The following MRPL39 variants were observed in gnomAD, a reference collection of about 807,000 sequenced individuals.
MRPL39 encodes large ribosomal subunit protein mL39.
MRPL39 carries 35 observed loss-of-function variants against 44.5 expected under a neutral mutation model. That is an observed-to-expected ratio of 0.79 (90% CI 0.60 to 1.04). The LOEUF (loss-of-function observed/expected upper bound fraction) is 1.04. Ranked by LOEUF, MRPL39 falls within the 50% of genes least tolerant of loss-of-function variation. The probability of loss-of-function intolerance (pLI) is 0.00; values close to 1 mark genes in which losing one functional copy is unlikely to be tolerated. For synonymous variants in MRPL39, 139 were observed against 136.1 expected, an observed-to-expected ratio of 1.02 and a Z score of -0.15; for missense variants, 433 against 413.5, an observed-to-expected ratio of 1.05 and a Z score of -0.41.
chr21:25,595,942 T>C (rs2031342408), intron 6 of MRPL39, among the ~76,000 whole-genome samples: 1 of 152,230 alleles, frequency 6.6e-6, no homozygotes, highest in Non-Finnish European at 1.5e-5. Context: ...TACAATACTA[T>C]CTGTACTCTA....
At chr21:25,595,576 T>A (rs1282888032) in intron 6 of MRPL39, among the ~76,000 whole-genome samples, 2 of 152,222 alleles carry the variant, frequency 1.3e-5, no homozygotes, top group African/African-American at 4.8e-5. Flanking sequence ...TAAAGTACCA[T>A]GGTGCACTTA....
intron 8 of MRPL39, among the ~76,000 whole-genome samples, chr21:25,591,179 A>C (rs1312930241): frequency 6.6e-6 from 1 of 152,044 alleles, no homozygotes; most frequent in South Asian, 2.1e-4. Flanking sequence ...TAAAACTCTA[A>C]AACTTTTAGG....
At chr21:25,606,378 G>C (rs963040458) in intron 2 of MRPL39, 71 bp downstream of exon 2, 11 of 1,324,402 alleles carry the variant, frequency 8.3e-6, no homozygotes, top group Non-Finnish European at 1.0e-5. Flanking sequence ...ACAGCATCCT[G>C]TCTCCTGCAC....
chr21:25,586,386 T>G (rs1011310672), intron 9 of MRPL39, among the ~76,000 whole-genome samples: 2 of 152,220 alleles, frequency 1.3e-5, no homozygotes, highest in Non-Finnish European at 2.9e-5. Context: ...ATTCTCCCTA[T>G]CGCGGCTGAA....
chr21:25,588,667 C>T (rs1195727438), intron 9 of MRPL39, among the ~76,000 whole-genome samples, 168 bp downstream of exon 9: 1 of 152,056 alleles, frequency 6.6e-6, no homozygotes, highest in Non-Finnish European at 1.5e-5. Flanking sequence ...ACAACTTTAC[C>T]CTTACCAACA....
At chr21:25,607,536 C>T (rs944874542), upstream of MRPL39, 1 of 1,559,282 alleles carries the variant, frequency 6.4e-7, no homozygotes, top group Non-Finnish European at 8.7e-7. Flanking sequence ...GGAAACCGAA[C>T]GCGCACTCGG....
At chr21:25,590,798 A>G (rs1026530247) in intron 8 of MRPL39, among the ~76,000 whole-genome samples, 5 of 152,186 alleles carry the variant, frequency 3.3e-5, no homozygotes, top group African/African-American at 9.7e-5. Flanking sequence ...TGGAAACTCA[A>G]AGAGACTAGA....
At chr21:25,590,397 A>T (rs995180663) in intron 8 of MRPL39, among the ~76,000 whole-genome samples, 2 of 151,210 alleles carry the variant, frequency 1.3e-5, no homozygotes, top group African/African-American at 4.9e-5. Context: ...AAAAAAAAAA[A>T]TCGCAAGAAA....
intron 6 of MRPL39, 49 bp downstream of exon 6, chr21:25,597,253 A>G: frequency 8.3e-7 from 1 of 1,209,566 alleles, no homozygotes; most frequent in Non-Finnish European, 1.2e-6. Flanking sequence ...TCTTTATTAC[A>G]TATAATACTG....
chr21:25,599,624 A>C (rs570208715), intron 5 of MRPL39, among the ~76,000 whole-genome samples, 175 bp downstream of exon 5: 36 of 150,686 alleles, frequency 2.4e-4, no homozygotes, highest in African/African-American at 7.7e-4. Context: ...AAAAGCAACA[A>C]CACCAATAGA....
chr21:25,589,409 AG>A (rs1277981171), intron 8 of MRPL39, among the ~76,000 whole-genome samples: 5 of 132,460 alleles, frequency 3.8e-5, no homozygotes, highest in African/African-American at 1.4e-4. Flanking sequence ...AACCTAACAA[AG>A]ACAATAGTAA....
rs768468951 is a variant in MRPL39 at position 25,603,881 on chromosome 21, G to T, written c.335C>A (p.Pro112His). The T allele has an allele frequency of 4.3e-6, 7 of 1,612,770 alleles. No individual in the cohort carries two copies. The highest frequency in any genetic ancestry group is 3.3e-5 in the South Asian group (3 of 90,904). The change falls in exon 3 of 10, where the codon CCT becomes CAT. Residue 112 changes from proline to histidine, a missense_variant. Pro to His is a moderately conservative substitution (Grantham distance 77). Transcript: ENST00000352957. ...TGTTAAAGGCTTATACATGTCCCAA[G>T]GCTGTCCATCCACCAGAGCCAGAAT... ...KSILALVDGQ[P>H]WDMYKPLTKS...
intron 8 of MRPL39, among the ~76,000 whole-genome samples, chr21:25,591,996 T>C (rs1480983656): frequency 6.6e-6 from 1 of 152,322 alleles, no homozygotes; most frequent in East Asian, 1.9e-4. Context: ...ATGAATGAAC[T>C]ACTGATATAC....
chr21:25,603,844 T>C lies in MRPL39; in HGVS notation c.372A>G (p.Glu124=), dbSNP rs764430887. 9.3e-6 allele frequency: 15 copies of C among 1,611,982 alleles called. No individual in the cohort carries two copies. The highest frequency in any genetic ancestry group is 1.3e-5 in the Non-Finnish European group (15 of 1,179,062). Reference sequence around the variant, plus strand: ...AATCTTTGAAAGTAAGAAATTTAATTTCACAGGACTTTGTTAAAGGCTTAT... The same window carrying C: ...AATCTTTGAAAGTAAGAAATTTAATCTCACAGGACTTTGTTAAAGGCTTAT... ...DMYKPLTKSC[E]IKFLTFKDCD... The change falls in exon 3 of 10, where the codon GAA becomes GAG. Residue 124 remains glutamate, a synonymous_variant. Transcript: ENST00000352957.
At chr21:25,607,054 CA>C (rs1225769191) in intron 1 of MRPL39, among the ~76,000 whole-genome samples, 1 of 152,224 alleles carries the variant, frequency 6.6e-6, no homozygotes, top group African/African-American at 2.4e-5. Flanking sequence ...GTTTATATCC[CA>C]AAGGCCAAAT....
intron 5 of MRPL39, 70 bp downstream of exon 5, chr21:25,599,729 T>A (rs1318869500): frequency 1.0e-5 from 13 of 1,276,952 alleles, no homozygotes; most frequent in Non-Finnish European, 1.2e-5. Flanking sequence ...TCAACAATAC[T>A]AACATAGGAA....
chr21:25,601,462 AT>A lies in MRPL39; in HGVS notation c.425del (p.Tyr142PhefsTer7). On this transcript the variant is annotated frameshift_variant, in exon 4 of 10. Coordinates refer to ENST00000352957, the MANE Select transcript of MRPL39 (RefSeq NM_017446.4). LOFTEE classifies it high-confidence loss of function. Reference sequence around the variant, plus strand: ...CCATCATCATAGCACAGGAACGCCAATATGCCTAGAAAAAAAATATACATAT... The same window carrying A: ...CCATCATCATAGCACAGGAACGCCAAATGCCTAGAAAAAAAATATACATAT... The part of the protein sequence containing the change: ...DCDPGEVNKA[Y>X]WRSCAMMMGC... 6.3e-7 allele frequency: 1 copy of A among 1,576,504 alleles called. No individual in the cohort carries two copies. The highest frequency in any genetic ancestry group is 8.6e-7 in the Non-Finnish European group (1 of 1,161,196).
chr21:25,607,319 C>G (rs1043872669), intron 1 of MRPL39, 84 bp downstream of exon 1: 5 of 1,508,092 alleles, frequency 3.3e-6, no homozygotes, highest in South Asian at 1.1e-5. Flanking sequence ...CCCGCGGGAC[C>G]TCCCCGGCCC....
chr21:25,606,368 A>T, intron 2 of MRPL39, 81 bp downstream of exon 2: 2 of 1,262,326 alleles, frequency 1.6e-6, no homozygotes, highest in Non-Finnish European at 2.2e-6. Context: ...AGAAGTAATT[A>T]CAGCATCCTG....
Sources: allele counts gnomAD v4.1 joint callset (sites outside exome capture counted in the v4.1 genomes callset), GRCh38; gene constraint gnomAD v4.1.1; transcripts MANE v1.5; gene names NCBI Gene and HGNC (gene_info 2026-07-23, HGNC 2026-07-21).